Variants in DOCK3 observed in about 807,000 individuals in gnomAD.
The protein encoded by DOCK3 is dedicator of cytokinesis 3, also known as dedicator of cytokinesis protein 3.
Under a neutral mutation model 265.6 loss-of-function variants are expected in DOCK3, and 60 were observed. The ratio of observed to expected loss-of-function variants is 0.23; its 90% CI spans 0.18 to 0.28. The LOEUF (loss-of-function observed/expected upper bound fraction) is 0.28, where lower values mean the gene tolerates loss of function less well. Among genes scored for constraint, DOCK3 ranks in the 10% least tolerant of loss-of-function variants. The pLI, the probability that DOCK3 is intolerant of heterozygous loss-of-function variation, is 1.00. For missense variants in DOCK3, 1,981 were observed against 2,594.3 expected (o/e 0.76, Z 5.14); for synonymous variants, 881 against 938.0 (o/e 0.94, Z 1.11).
chr3:50,733,739 A>T (rs1455943489), intron 1 of DOCK3, among the ~76,000 whole-genome samples: 1 of 151,580 alleles, frequency 6.6e-6, no homozygotes, highest in African/African-American at 2.4e-5. Flanking sequence ...ATTGATAGGT[A>T]CTTACTGTTA....
At chr3:51,107,405 G>A (rs540409336) in intron 9 of DOCK3, among the ~76,000 whole-genome samples, 1 of 152,342 alleles carries the variant, frequency 6.6e-6, no homozygotes, top group South Asian at 2.1e-4. Flanking sequence ...GAATAGGAAT[G>A]AAGATCATTG....
At chr3:51,187,002 C>T (rs543842488) in intron 12 of DOCK3, among the ~76,000 whole-genome samples, 9 of 152,228 alleles carry the variant, frequency 5.9e-5, no homozygotes, top group Admixed American at 3.3e-4. Context: ...TACTGAGGCA[C>T]TGCCTAGTGG....
intron 32 of DOCK3, among the ~76,000 whole-genome samples, chr3:51,323,745 A>G (rs1374775463): frequency 6.6e-6 from 1 of 152,130 alleles, no homozygotes; most frequent in East Asian, 1.9e-4. Flanking sequence ...AAGATCTACA[A>G]TTGACACTCT....
intron 4 of DOCK3, among the ~76,000 whole-genome samples, chr3:50,911,134 C>T (rs538183987): frequency 2.9e-4 from 44 of 152,040 alleles, no homozygotes; most frequent in Non-Finnish European, 5.4e-4. Context: ...TTGATTGCCT[C>T]TTTATCCGTG....
At chr3:51,128,208 G>A (rs2084352212) in intron 9 of DOCK3, among the ~76,000 whole-genome samples, 1 of 152,192 alleles carries the variant, frequency 6.6e-6, no homozygotes, top group Admixed American at 6.5e-5. Context: ...TGGGTCACTA[G>A]GGGTGATGGT....
chr3:50,993,540 C>T (rs763717926), intron 5 of DOCK3, among the ~76,000 whole-genome samples: 8 of 152,214 alleles, frequency 5.3e-5, no homozygotes, highest in Admixed American at 1.3e-4. Context: ...AACAAGACTT[C>T]TATCCTCCTC....
At chr3:51,077,567 A>G (rs938658372) in intron 7 of DOCK3, among the ~76,000 whole-genome samples, 1 of 152,194 alleles carries the variant, frequency 6.6e-6, no homozygotes, top group African/African-American at 2.4e-5. Flanking sequence ...TTAAATTGCC[A>G]TGTGTGTTTG....
chr3:50,768,986 A>G (rs963134549), intron 1 of DOCK3, among the ~76,000 whole-genome samples: 3 of 151,746 alleles, frequency 2.0e-5, no homozygotes, highest in African/African-American at 7.3e-5. Flanking sequence ...TTTGATTTAC[A>G]TTTCTCTGAT....
chr3:50,717,955 A>G (rs1263179482), intron 1 of DOCK3, among the ~76,000 whole-genome samples: 2 of 152,156 alleles, frequency 1.3e-5, no homozygotes, highest in Non-Finnish European at 2.9e-5. Flanking sequence ...ATTATTAAAT[A>G]ATCTTATACT....
rs1553750450 is a variant in DOCK3, at chr3:51,067,456, T to TGTGTGTGTGTGC, written c.464+2861_464+2862insTGTGTGTGTGCG. On this transcript the variant is annotated intron_variant, in intron 6 of 52. Coordinates refer to ENST00000266037, the MANE Select transcript of DOCK3 (RefSeq NM_004947.5). Reference sequence around the variant, plus strand: ...GTGTGTGTGTGTGTGTGTGTGTGTGTGCGCGCGCGTTGGAGGGGTATGTAT... The same window carrying TGTGTGTGTGTGC: ...GTGTGTGTGTGTGTGTGTGTGTGTGTGTGTGTGTGTGCGCGCGCGCGTTGGAGGGGTATGTAT... Among the ~76,000 whole-genome samples, 760 of 150,300 alleles carry TGTGTGTGTGTGC rather than the reference T, an allele frequency of 5.1e-3. 8 individuals are homozygous for TGTGTGTGTGTGC. The highest frequency in any genetic ancestry group is 9.1e-3 in the African/African-American group (369 of 40,408).
intron 23 of DOCK3, among the ~76,000 whole-genome samples, chr3:51,264,127 A>G (rs1171965208): frequency 6.6e-6 from 1 of 152,216 alleles, no homozygotes; most frequent in Non-Finnish European, 1.5e-5. Flanking sequence ...TCAGCACCAC[A>G]TTGCACATAT....
intron 5 of DOCK3, among the ~76,000 whole-genome samples, chr3:51,006,359 A>G (rs1231829272): frequency 2.0e-5 from 3 of 151,330 alleles, no homozygotes; most frequent in African/African-American, 7.3e-5. Context: ...GAGAGAAGGG[A>G]TTTAAAAAAA....
Position 51,356,389 on chromosome 3 carries a change from C to T in DOCK3, c.4417-18C>T, listed in dbSNP as rs553765413. The T allele has an allele frequency of 4.3e-6, 7 of 1,613,636 alleles. No homozygotes were observed. The highest frequency in any genetic ancestry group is 2.2e-5 in the South Asian group (2 of 91,078). Reference sequence around the variant, plus strand: ...AAACTTGCCTAACTGCCCATACCTGCCTGTTCCCTCCCTACAGAGCCTGTG... The same window carrying T: ...AAACTTGCCTAACTGCCCATACCTGTCTGTTCCCTCCCTACAGAGCCTGTG... On this transcript the variant is annotated intron_variant, in intron 42 of 52. Transcript: ENST00000266037.
At chr3:51,305,834 C>CTTT (rs761039681) in intron 27 of DOCK3, among the ~76,000 whole-genome samples, 8,250 of 50,590 alleles carry the variant, frequency 0.16, 2,248 homozygotes, top group South Asian at 0.31. Context: ...ATTTCTTCTT[C>CTTT]TTTTTTTTTT....
At chr3:50,980,801 A>G (rs2077662396) in intron 5 of DOCK3, among the ~76,000 whole-genome samples, 2 of 151,642 alleles carry the variant, frequency 1.3e-5, no homozygotes, top group Non-Finnish European at 2.9e-5. Context: ...CAGCTATAAT[A>G]TCTCCTTTTT....
chr3:51,102,474 A>G (rs1053573677), intron 9 of DOCK3, among the ~76,000 whole-genome samples: 8 of 152,218 alleles, frequency 5.3e-5, no homozygotes, highest in African/African-American at 1.2e-4. Context: ...ATCAGGGTTT[A>G]TATTTTGAGG....
In DOCK3 at chr3:50,977,493, G is replaced by C. The variant is rs915237697; in HGVS notation, c.315+43416G>C. Among the ~76,000 whole-genome samples, 13 of 152,240 alleles carry C rather than the reference G, an allele frequency of 8.5e-5. No homozygotes were observed. The East Asian group carries it at 2.3e-3, about 27-fold the overall frequency. On this transcript the variant is annotated intron_variant, in intron 5 of 52. Transcript: ENST00000266037. ...GGCCCCCACTGTCTTCTGGCTTGTA[G>C]GGTTTCTGCCAAGAGATCCCCTGTT...
At chr3:50,920,209 C>CT (rs2050365324) in intron 4 of DOCK3, among the ~76,000 whole-genome samples, 1 of 151,998 alleles carries the variant, frequency 6.6e-6, no homozygotes, top group South Asian at 2.1e-4. Flanking sequence ...GTAAAATTTT[C>CT]TTTTTTTGTT....
At chr3:50,910,545 T>G (rs547966108) in intron 4 of DOCK3, among the ~76,000 whole-genome samples, 2 of 152,268 alleles carry the variant, frequency 1.3e-5, no homozygotes, top group East Asian at 3.9e-4. Flanking sequence ...GGCACTTTAG[T>G]GAACTGGTGG....
Sources: gnomAD v4.1 joint callset for allele counts (sites outside exome capture counted in the v4.1 genomes callset) on GRCh38, gnomAD v4.1.1 for gene constraint, MANE v1.5 for transcripts, NCBI Gene and HGNC (gene_info 2026-07-23, HGNC 2026-07-21) for gene names.